WHR1: variants seen among roughly 807,000 people sequenced by gnomAD.
WHR1 encodes winged helix repair factor 1, also known as MHC class III HLA-RP1.
the WHR1 span, among the ~76,000 whole-genome samples, chr6:31,975,461 A>C: frequency 6.6e-6 from 1 of 151,904 alleles, no homozygotes; most frequent in Non-Finnish European, 1.5e-5. Context: ...TCGGCCTCCC[A>C]AAGTGCTGGG....
chr6:31,971,181 C>G, the WHR1 span: 1 of 1,604,132 alleles, frequency 6.2e-7, no homozygotes, highest in Non-Finnish European at 8.5e-7. This position sits in a 1 kb window ranked among gnomAD's most constrained non-coding sequence, Gnocchi z 4.5. Context: ...GAAGGTCTGA[C>G]ACAAGCATTA....
the WHR1 span, chr6:31,971,468 A>G: frequency 6.2e-7 from 1 of 1,614,060 alleles, no homozygotes; most frequent in Non-Finnish European, 8.5e-7. This position sits in a 1 kb window ranked among gnomAD's most constrained non-coding sequence, Gnocchi z 4.5. Flanking sequence ...GGTGGGCTAT[A>G]GTAGCGCAGG....
chr6:31,976,075 C>T, the WHR1 span, among the ~76,000 whole-genome samples: 14 of 144,302 alleles, frequency 9.7e-5, no homozygotes, highest in Admixed American at 1.4e-4. Context: ...GGGCGGCTGG[C>T]CGGGTGGGGG....
the WHR1 span, chr6:31,971,975 C>A: frequency 6.3e-7 from 1 of 1,585,946 alleles, no homozygotes; most frequent in Non-Finnish European, 8.6e-7. This position sits in a 1 kb window ranked among gnomAD's most constrained non-coding sequence, Gnocchi z 4.5. Context: ...GACGTCATGG[C>A]AGGCACGCCA....
the WHR1 span, chr6:31,972,269 A>G: frequency 6.2e-7 from 1 of 1,613,122 alleles, no homozygotes; most frequent in Non-Finnish European, 8.5e-7. The surrounding 1 kb of genome is among the most constrained non-coding windows in gnomAD (Gnocchi z 6.3). Flanking sequence ...AGGGACGACA[A>G]GTTGACGCTC....
At chr6:31,980,046 A>T in the WHR1 span, 1 of 244,320 alleles carries the variant, frequency 4.1e-6, no homozygotes, top group Non-Finnish European at 7.9e-6. Context: ...CTGATCTCAC[A>T]TGGGCAGACA....
the WHR1 span, chr6:31,972,212 T>G: frequency 6.2e-7 from 1 of 1,612,732 alleles, no homozygotes; most frequent in Non-Finnish European, 8.5e-7. The surrounding 1 kb of genome is among the most constrained non-coding windows in gnomAD (Gnocchi z 6.3). Context: ...GCGGAGGTGA[T>G]GCTGGTATGT....
At chr6:31,979,445 C>T in the WHR1 span, 1 of 1,612,884 alleles carries the variant, frequency 6.2e-7, no homozygotes, top group Non-Finnish European at 8.5e-7. Flanking sequence ...CGACCGTATG[C>T]TGGGGCAGTG....
chr6:31,975,351 G>A, the WHR1 span, among the ~76,000 whole-genome samples: 2 of 151,944 alleles, frequency 1.3e-5, no homozygotes, highest in Non-Finnish European at 2.9e-5. Flanking sequence ...ACAGGCACGC[G>A]CCACCATGCC....
the WHR1 span, among the ~76,000 whole-genome samples, chr6:31,975,999 C>A: frequency 4.7e-5 from 7 of 149,900 alleles, no homozygotes; most frequent in African/African-American, 1.7e-4. Context: ...AGAGGCGCCC[C>A]TCACCTCCCG....
the WHR1 span, among the ~76,000 whole-genome samples, chr6:31,974,678 AG>A: frequency 6.6e-6 from 1 of 152,238 alleles, no homozygotes; most frequent in Non-Finnish European, 1.5e-5. Context: ...GGAGTGCTTG[AG>A]CCCAGGAATT....
chr6:31,979,733 A>C, the WHR1 span: 2 of 744,114 alleles, frequency 2.7e-6, no homozygotes, highest in Non-Finnish European at 4.2e-6. Flanking sequence ...GAGGAGGCCT[A>C]TCTTACCTGG....
chr6:31,980,345 A>T, the WHR1 span: 1 of 1,034,924 alleles, frequency 9.7e-7, no homozygotes, highest in Non-Finnish European at 1.4e-6. Context: ...TCTCTCTTGC[A>T]TGGTTGCCCG....
chr6:31,971,935 G>A, the WHR1 span: 5 of 1,547,644 alleles, frequency 3.2e-6, no homozygotes, highest in Non-Finnish European at 4.4e-6. This position sits in a 1 kb window ranked among gnomAD's most constrained non-coding sequence, Gnocchi z 4.5. Flanking sequence ...TTACCTCAAA[G>A]CTCCCCAACT....
At chr6:31,971,765 T>G in the WHR1 span, 1 of 1,405,982 alleles carries the variant, frequency 7.1e-7, no homozygotes, top group Non-Finnish European at 9.4e-7. The surrounding 1 kb of genome is among the most constrained non-coding windows in gnomAD (Gnocchi z 4.5). Flanking sequence ...GCGAGCCACC[T>G]GATCGCCAGG....
the WHR1 span, chr6:31,971,712 T>A: frequency 6.4e-7 from 1 of 1,563,632 alleles, no homozygotes; most frequent in South Asian, 1.1e-5. This position sits in a 1 kb window ranked among gnomAD's most constrained non-coding sequence, Gnocchi z 4.5. Flanking sequence ...GAGTTTCCAT[T>A]CTACAGAGGA....
the WHR1 span, chr6:31,972,731 G>A: frequency 1.9e-6 from 3 of 1,613,174 alleles, no homozygotes; most frequent in Non-Finnish European, 1.7e-6. This position sits in a 1 kb window ranked among gnomAD's most constrained non-coding sequence, Gnocchi z 6.3. Flanking sequence ...CCTTGTGCCT[G>A]ACAGGACCGT....
chr6:31,972,293 C>A, the WHR1 span: 1 of 1,613,148 alleles, frequency 6.2e-7, no homozygotes. The surrounding 1 kb of genome is among the most constrained non-coding windows in gnomAD (Gnocchi z 6.3). Context: ...TCGTCATCAC[C>A]TGGTCTAGGA....
chr6:31,980,348 G>A, the WHR1 span: 1 of 1,065,730 alleles, frequency 9.4e-7, no homozygotes, highest in Non-Finnish European at 1.3e-6. Flanking sequence ...CTCTTGCATG[G>A]TTGCCCGTGT....
Sources: allele counts gnomAD v4.1 joint callset (sites outside exome capture counted in the v4.1 genomes callset), GRCh38; gene constraint gnomAD v4.1.1; non-coding constraint Gnocchi (gnomAD v3.1); transcripts MANE v1.5; gene names NCBI Gene and HGNC (gene_info 2026-07-23, HGNC 2026-07-21).